The following MTFMT variants were observed in gnomAD, a reference collection of about 807,000 sequenced individuals.
MTFMT encodes the protein methionyl-tRNA formyltransferase, mitochondrial.
A neutral mutation model predicts 51.8 loss-of-function variants in MTFMT; 47 were observed. The ratio of observed to expected loss-of-function variants is 0.91; its 90% confidence interval spans 0.72 to 1.16. The LOEUF (loss-of-function observed/expected upper bound fraction) is 1.16, where lower values mean the gene tolerates loss of function less well. MTFMT is among the 50% of genes most tolerant of loss of function. The pLI, the probability that MTFMT is intolerant of heterozygous loss-of-function variation, is 0.00. For synonymous variants in MTFMT, 196 were observed against 176.7 expected, an observed-to-expected ratio of 1.11 and a Z score of -0.87; for missense variants, 512 against 482.3, an observed-to-expected ratio of 1.06 and a Z score of -0.58.
chr15:65,005,488 T>C (rs2086213930), intron 7 of MTFMT, among the ~76,000 whole-genome samples: 1 of 152,170 alleles, frequency 6.6e-6, no homozygotes, highest in Non-Finnish European at 1.5e-5. Flanking sequence ...CATTATAATA[T>C]TCACCAGAAT....
intron 6 of MTFMT, among the ~76,000 whole-genome samples, chr15:65,011,415 C>A (rs940966851): frequency 2.0e-5 from 3 of 146,608 alleles, no homozygotes; most frequent in African/African-American, 7.6e-5. Context: ...TGTAAGAATT[C>A]TTTACTCTGG....
intron 4 of MTFMT, among the ~76,000 whole-genome samples, chr15:65,021,165 C>T (rs72746362): frequency 0.017 from 2,548 of 152,230 alleles, 30 homozygotes; most frequent in Admixed American, 0.025. Flanking sequence ...AGCTAAGAGT[C>T]GCTTAGAAAA....
intron 8 of MTFMT, 73 bp downstream of exon 8, chr15:65,004,781 T>C: frequency 9.9e-7 from 1 of 1,012,832 alleles, no homozygotes; most frequent in South Asian, 1.8e-5. Flanking sequence ...AAGTTCCAAC[T>C]AAAAATAATA....
chr15:65,010,902 A>T (rs1250575171), intron 6 of MTFMT, among the ~76,000 whole-genome samples: 1 of 152,224 alleles, frequency 6.6e-6, no homozygotes, highest in East Asian at 1.9e-4. Context: ...TTTGAATTAT[A>T]GCCATCCTAA....
In MTFMT at chr15:65,001,619, TGA is replaced by T. The variant is rs1424755481; in HGVS notation, c.*1441_*1442del. 1 of 152,230 alleles carries T rather than the reference TGA, an allele frequency of 6.6e-6. No homozygotes were observed. Among genetic ancestry groups the T allele is most frequent in the Non-Finnish European group, 1.5e-5 (1 of 68,088 alleles). The allele number at this position is 152,230 out of a possible 1,614,324, so 9.4% of individuals were successfully genotyped here. On this transcript the variant is annotated 3_prime_UTR_variant, in exon 9 of 9. Coordinates refer to ENST00000220058, the MANE Select transcript of MTFMT (RefSeq NM_139242.4). Reference sequence around the variant, plus strand: ...GTTCATGCTTGTAATCCCAGCACTTTGAGAGGCCAAGGCAGGAGGATTGCTTG... The same window carrying T: ...GTTCATGCTTGTAATCCCAGCACTTTGAGGCCAAGGCAGGAGGATTGCTTG...
intron 3 of MTFMT, 28 bp downstream of exon 3, chr15:65,023,644 A>G (rs781104803): frequency 1.9e-6 from 3 of 1,609,700 alleles, no homozygotes; most frequent in Non-Finnish European, 2.5e-6. Flanking sequence ...AAATCACAAA[A>G]ATCTCAAGAA....
chr15:65,016,039 G>A (rs937728207), intron 6 of MTFMT: 2 of 153,060 alleles, frequency 1.3e-5, no homozygotes, highest in African/African-American at 4.8e-5. Context: ...CAATTTGATT[G>A]TAAAAAATTG....
intron 4 of MTFMT, 73 bp downstream of exon 4, chr15:65,021,441 T>G (rs970829386): frequency 1.8e-6 from 2 of 1,106,030 alleles, no homozygotes; most frequent in Non-Finnish European, 2.7e-6. Context: ...GTCACAAAAT[T>G]GTTCTTCTTT....
At chr15:65,007,652 G>GA (rs939390142) in intron 6 of MTFMT, among the ~76,000 whole-genome samples, 1 of 152,088 alleles carries the variant, frequency 6.6e-6, no homozygotes, top group African/African-American at 2.4e-5. Context: ...GGATAAGTGA[G>GA]AAAAAAATAT....
At chr15:65,021,974 A>T (rs555113548) in intron 3 of MTFMT, among the ~76,000 whole-genome samples, 4 of 152,278 alleles carry the variant, frequency 2.6e-5, no homozygotes, top group Non-Finnish European at 5.9e-5. Context: ...ATACAGTTGC[A>T]TATCAGGAAT....
intron 6 of MTFMT, among the ~76,000 whole-genome samples, chr15:65,009,572 T>C (rs2086245986): frequency 6.6e-6 from 1 of 152,230 alleles, no homozygotes; most frequent in African/African-American, 2.4e-5. Flanking sequence ...GGATGTCCAC[T>C]TCTTTTTATC....
intron 8 of MTFMT, among the ~76,000 whole-genome samples, chr15:65,003,855 A>AAAAAAAAAAAAAAAAAAAAAAG: frequency 2.0e-5 from 3 of 149,428 alleles, no homozygotes; most frequent in Non-Finnish European, 3.0e-5. Flanking sequence ...CAAAAAAAAA[A>AAAAAAAAAAAAAAAAAAAAAAG]AAAAAAAAAA....
intron 1 of MTFMT, among the ~76,000 whole-genome samples, chr15:65,028,067 C>T (rs2086442751): frequency 6.6e-6 from 1 of 152,124 alleles, no homozygotes; most frequent in African/African-American, 2.4e-5. Context: ...GGAGTATGTC[C>T]TGGGGCACTA....
At chr15:65,023,944 GA>G in intron 2 of MTFMT, 150 bp from the exon 3 acceptor site, 1 of 612,158 alleles carries the variant, frequency 1.6e-6, no homozygotes, top group Non-Finnish European at 2.7e-6. Context: ...CACCTGAAAG[GA>G]AAAAAGTTAC....
intron 6 of MTFMT, among the ~76,000 whole-genome samples, chr15:65,007,661 A>C (rs1234237093): frequency 6.6e-6 from 1 of 150,878 alleles, no homozygotes; most frequent in East Asian, 1.9e-4. Flanking sequence ...AGAAAAAAAT[A>C]TGATAATCTC....
intron 6 of MTFMT, among the ~76,000 whole-genome samples, chr15:65,006,420 A>C (rs1174738283): frequency 6.9e-6 from 1 of 144,006 alleles, no homozygotes; most frequent in African/African-American, 2.6e-5. Context: ...TTGTGTCACC[A>C]GGCTGGAGTG....
intron 6 of MTFMT, among the ~76,000 whole-genome samples, chr15:65,011,036 C>CT (rs2086260003): frequency 6.6e-6 from 1 of 152,066 alleles, no homozygotes; most frequent in Admixed American, 6.6e-5. Context: ...CAAATGTCTA[C>CT]TCAGGGCCAG....
intron 6 of MTFMT, among the ~76,000 whole-genome samples, chr15:65,013,392 A>G (rs1298375696): frequency 6.6e-6 from 1 of 151,796 alleles, no homozygotes; most frequent in Non-Finnish European, 1.5e-5. Flanking sequence ...TGGGACTACA[A>G]GTGTCCACCA....
At chr15:65,026,350 T>C in intron 2 of MTFMT, 2 of 208,916 alleles carry the variant, frequency 9.6e-6, no homozygotes, top group Non-Finnish European at 1.0e-5. Flanking sequence ...ACAAAAGTTT[T>C]GTAAATTTTC....
Sources: allele counts gnomAD v4.1 joint callset (sites outside exome capture counted in the v4.1 genomes callset), GRCh38; gene constraint gnomAD v4.1.1; transcripts MANE v1.5; gene names NCBI Gene and HGNC (gene_info 2026-07-23, HGNC 2026-07-21).